Variants in CAMK2B observed in about 807,000 individuals in gnomAD.
The protein encoded by CAMK2B is calcium/calmodulin-dependent protein kinase type II subunit beta.
CAMK2B carries 27 observed loss-of-function variants against 93.7 expected under a neutral mutation model. The ratio of observed to expected loss-of-function variants is 0.29; its 90% CI spans 0.21 to 0.40. CAMK2B has a LOEUF of 0.40. Among genes scored for constraint, CAMK2B ranks in the 10% least tolerant of loss-of-function variants. CAMK2B has a pLI of 1.00. For synonymous variants in CAMK2B, 374 were observed against 358.8 expected, an observed-to-expected ratio of 1.04 and a Z score of -0.48; for missense variants, 568 against 895.8, an observed-to-expected ratio of 0.63 and a Z score of 4.67.
rs2096556916 is a variant in CAMK2B, at chr7:44,229,463, CCCT to C, written c.1261_1263del (p.Arg421del). On this transcript the variant is annotated inframe_deletion, in exon 18 of 24. Transcript: ENST00000395749. The stretch of plus-strand genomic sequence containing the variant: ...CCCTCGGCTTCTGGGGCTCCCGAGC[CCCT>C]CCTCACTGAGCTCAGGATGTCGGGG... The C allele has an allele frequency of 6.8e-7, 1 of 1,478,084 alleles. No homozygotes were observed. Among genetic ancestry groups the C allele is most frequent in the South Asian group, 1.4e-5 (1 of 73,864 alleles). The allele number at this position is 1,478,084 out of a possible 1,614,324, so 91.6% of individuals were successfully genotyped here.
intron 4 of CAMK2B, among the ~76,000 whole-genome samples, chr7:44,255,215 C>G (rs1477903997): frequency 6.6e-6 from 1 of 152,180 alleles, no homozygotes; most frequent in Non-Finnish European, 1.5e-5. Flanking sequence ...AGATGACAGG[C>G]AGAAGGGAGG....
At chr7:44,314,153 C>T (rs1463128470) in intron 1 of CAMK2B, among the ~76,000 whole-genome samples, 1 of 152,042 alleles carries the variant, frequency 6.6e-6, no homozygotes, top group African/African-American at 2.4e-5. Context: ...AACAATTCAC[C>T]CATTTAGAGT....
chr7:44,279,465 C>A (rs1260442866), intron 2 of CAMK2B, among the ~76,000 whole-genome samples: 1 of 152,232 alleles, frequency 6.6e-6, no homozygotes, highest in African/African-American at 2.4e-5. Context: ...GGTATCCCTG[C>A]CCCTGCCCAG....
At chr7:44,303,653 A>G (rs1790704311) in intron 1 of CAMK2B, among the ~76,000 whole-genome samples, 1 of 152,234 alleles carries the variant, frequency 6.6e-6, no homozygotes, top group South Asian at 2.1e-4. Context: ...AAACTTCTAA[A>G]AAATAACATA....
At chr7:44,285,500 A>T (rs1784802599) in intron 1 of CAMK2B, among the ~76,000 whole-genome samples, 1 of 152,202 alleles carries the variant, frequency 6.6e-6, no homozygotes, top group South Asian at 2.1e-4. Context: ...GGACAGCCTG[A>T]GAAACCCACA....
intron 1 of CAMK2B, among the ~76,000 whole-genome samples, chr7:44,285,570 G>A (rs974554482): frequency 2.6e-5 from 4 of 152,088 alleles, no homozygotes; most frequent in Admixed American, 6.5e-5. Flanking sequence ...TACGAACACC[G>A]TTTTATCTAC....
At chr7:44,240,125 T>G (rs1286421973) in intron 12 of CAMK2B, among the ~76,000 whole-genome samples, 1 of 142,782 alleles carries the variant, frequency 7.0e-6, no homozygotes, top group African/African-American at 2.7e-5. Flanking sequence ...AGACCTGGGC[T>G]GCCGGCTCCA....
rs1218358762 is a variant in CAMK2B at position 44,311,432 on chromosome 7, C to A, written c.65+13925G>T. ...ACCATGTGGCAAATCAAATTCTTAA[C>A]CTCTAGTAACAAACAAGAAAAACTC... On this transcript the variant is annotated intron_variant, in intron 1 of 23. Transcript: ENST00000395749. This position sits in a 1 kb window ranked among gnomAD's most constrained non-coding sequence, Gnocchi z 4.2. 2.6e-5 allele frequency among the ~76,000 whole-genome samples: 4 copies of A among 152,236 alleles called. No homozygotes were observed. The highest frequency in any genetic ancestry group is 4.4e-5 in the Non-Finnish European group (3 of 68,040).
At chr7:44,233,188 C>T (rs1368552429) in intron 15 of CAMK2B, among the ~76,000 whole-genome samples, 2 of 152,104 alleles carry the variant, frequency 1.3e-5, no homozygotes, top group East Asian at 1.9e-4. Flanking sequence ...AAGCCAGGCT[C>T]GGTCTTGAGG....
intron 2 of CAMK2B, among the ~76,000 whole-genome samples, chr7:44,281,139 C>T (rs1189629803): frequency 1.3e-5 from 2 of 152,240 alleles, no homozygotes; most frequent in East Asian, 1.9e-4. Context: ...ACGCGGGAGG[C>T]GCTGGCTTTA....
At position 44,312,459 on chromosome 7, in the gene CAMK2B, A is replaced by C. The variant is rs1214478787; in HGVS notation, c.65+12898T>G. ...AAGACAGGATCCTTTAAGTGAAAGG[A>C]GAAAGGAGAGGGAGGAAGAGGGAGG... On this transcript the variant is annotated intron_variant, in intron 1 of 23. Coordinates refer to ENST00000395749, the MANE Select transcript of CAMK2B (RefSeq NM_001220.5). The surrounding 1 kb of genome is among the most constrained non-coding windows in gnomAD (Gnocchi z 4.1). 6.6e-6 allele frequency among the ~76,000 whole-genome samples: 1 copy of C among 152,008 alleles called. No homozygotes were observed. Among genetic ancestry groups the C allele is most frequent in the Non-Finnish European group, 1.5e-5 (1 of 68,002 alleles).
intron 3 of CAMK2B, among the ~76,000 whole-genome samples, chr7:44,261,910 G>A (rs2096882020): frequency 6.6e-6 from 1 of 152,206 alleles, no homozygotes; most frequent in Non-Finnish European, 1.5e-5. Flanking sequence ...GTGGGCAGCG[G>A]CAAATCTCGT....
chr7:44,246,517 CCACACATGTA>C (rs1160233118), intron 6 of CAMK2B, among the ~76,000 whole-genome samples: 4 of 152,012 alleles, frequency 2.6e-5, no homozygotes, highest in Admixed American at 1.3e-4. Context: ...ATGAACATGC[CCACACATGTA>C]CACACTTGTA....
Position 44,311,258 on chromosome 7 carries a change from T to C in CAMK2B, c.65+14099A>G, listed in dbSNP as rs1278315016. On this transcript the variant is annotated intron_variant, in intron 1 of 23. Transcript: ENST00000395749. The surrounding 1 kb of genome is among the most constrained non-coding windows in gnomAD (Gnocchi z 4.2). ...GCCTGGCACATTTTTGTATTTTTAG[T>C]AGACATGGGGTTTCACCATGTTGGC... is the stretch of plus-strand genomic sequence containing the variant. 1.3e-5 allele frequency among the ~76,000 whole-genome samples: 2 copies of C among 152,088 alleles called. No individual in the cohort carries two copies. The highest frequency in any genetic ancestry group is 1.3e-4 in the Admixed American group (2 of 15,272).
intron 2 of CAMK2B, among the ~76,000 whole-genome samples, chr7:44,282,356 GC>G (rs2097108881): frequency 6.6e-6 from 1 of 152,238 alleles, no homozygotes; most frequent in Non-Finnish European, 1.5e-5. Flanking sequence ...CCCACTTCCA[GC>G]TGTGCAGTCA....
At chr7:44,291,992 C>A (rs1006371859) in intron 1 of CAMK2B, among the ~76,000 whole-genome samples, 1 of 152,166 alleles carries the variant, frequency 6.6e-6, no homozygotes, top group Non-Finnish European at 1.5e-5. Context: ...TGAGCCTGCT[C>A]GGGCTGCTGA....
intron 18 of CAMK2B, 187 bp from the exon 19 acceptor site, chr7:44,229,111 T>A: frequency 1.5e-6 from 1 of 678,358 alleles, no homozygotes; most frequent in South Asian, 1.7e-5. Context: ...GAGTGAGGCC[T>A]GCACCGACCC....
At chr7:44,288,070 C>T (rs1193456385) in intron 1 of CAMK2B, among the ~76,000 whole-genome samples, 4 of 152,192 alleles carry the variant, frequency 2.6e-5, no homozygotes, top group East Asian at 1.9e-4. Flanking sequence ...ACAGGAAGAG[C>T]GGCCCCTAGA....
intron 4 of CAMK2B, among the ~76,000 whole-genome samples, chr7:44,255,331 G>A (rs1269531467): frequency 2.0e-5 from 3 of 152,176 alleles, no homozygotes; most frequent in Non-Finnish European, 4.4e-5. Flanking sequence ...AGGGCCTCTG[G>A]GAGCCGGGTA....
Sources: gnomAD v4.1 joint callset for allele counts (sites outside exome capture counted in the v4.1 genomes callset) on GRCh38, gnomAD v4.1.1 for gene constraint, Gnocchi (gnomAD v3.1) non-coding constraint, MANE v1.5 for transcripts, NCBI Gene and HGNC (gene_info 2026-07-23, HGNC 2026-07-21) for gene names.